KRT2: variants seen among roughly 807,000 people sequenced by gnomAD.
The protein encoded by KRT2 is keratin 2.
A neutral mutation model predicts 48.5 loss-of-function variants in KRT2; 37 were observed. That is an observed-to-expected ratio of 0.76 (90% confidence interval 0.59 to 1.00). The LOEUF is 1.00. KRT2 is among the 50% of genes least tolerant of loss of function. The pLI is 0.00. For synonymous variants in KRT2, 324 were observed against 312.2 expected (o/e 1.04, Z -0.40); for missense variants, 880 against 815.2 (o/e 1.08, Z -0.97).
chr12:52,647,656 C>T, intron 6 of KRT2, 74 bp downstream of exon 6: 8 of 1,572,776 alleles, frequency 5.1e-6, no homozygotes, highest in Non-Finnish European at 6.9e-6. Context: ...CACATGCACA[C>T]TCACACACAA....
chr12:52,651,847 C>CCGCCTCCAAAGCCGCTGT lies in KRT2; in HGVS notation c.295_296insACAGCGGCTTTGGAGGCG (p.Gly98_Gly99insAspSerGlyPheGlyGly). On this transcript the variant is annotated inframe_insertion, in exon 1 of 9. Transcript: ENST00000309680. The stretch of plus-strand genomic sequence containing the variant: ...GCCGCTGCCACCTCCAAAGCTGCTG[C>CCGCCTCCAAAGCCGCTGT]CGCCTCCAAAACCACCTCCTCTGCC... 6.2e-7 allele frequency: 1 copy of CCGCCTCCAAAGCCGCTGT among 1,603,282 alleles called. No homozygotes were observed. Among genetic ancestry groups the CCGCCTCCAAAGCCGCTGT allele is most frequent in the Non-Finnish European group, 8.5e-7 (1 of 1,173,658 alleles).
intron 6 of KRT2, among the ~76,000 whole-genome samples, chr12:52,647,446 C>T (rs1231485507): frequency 6.6e-6 from 1 of 152,364 alleles, no homozygotes; most frequent in Middle Eastern, 3.4e-3. Context: ...ATCAATCAAA[C>T]TAACGTTTGC....
intron 1 of KRT2, chr12:52,650,822 T>C (rs1941238402): frequency 1.9e-6 from 1 of 518,436 alleles, no homozygotes; most frequent in South Asian, 2.0e-5. Flanking sequence ...CTGCTCCCAA[T>C]ACTCTAGACC....
chr12:52,645,707 T>C (rs1031590852), intron 7 of KRT2, 138 bp from the exon 8 acceptor site: 27 of 808,050 alleles, frequency 3.3e-5, no homozygotes, highest in Non-Finnish European at 5.6e-5. Flanking sequence ...CACTTTCTTC[T>C]ATGCTGCCAG....
At position 52,650,542 on chromosome 12, in the gene KRT2, C is replaced by T. The variant is rs781465953; in HGVS notation, c.597G>A (p.Leu199=). ...FASFIDKVRF[L]EQQNQVLQTK... is the part of the protein sequence containing the mutation. ...TCTGTAACACCTGGTTCTGCTGCTC[C>T]AAGAACCGCACCTGCCATGACCAGA... The change falls in exon 2 of 9, where the codon TTG becomes TTA. Residue 199 remains leucine (L), a synonymous_variant. Coordinates refer to ENST00000309680, the MANE Select transcript of KRT2 (RefSeq NM_000423.3). 5.0e-6 allele frequency: 8 copies of T among 1,611,726 alleles called. No homozygotes were observed. In the African/African-American group the frequency reaches 8.0e-5, roughly 16 times the overall value.
chr12:52,645,147 A>G lies in KRT2; in HGVS notation c.1792T>C (p.Ser598Pro). ...GYGSGGGKHS[S>P]GGGSRGGSSS... ...GAGCCTCCTCTAGAGCCACCTCCAG[A>G]GCTGTGTTTTCCACCTCCAGAGCCA... The change falls in exon 9 of 9, where the codon TCT becomes CCT. Residue 598 changes from serine to proline, a missense_variant. Transcript: ENST00000309680. 6.2e-7 allele frequency: 1 copy of G among 1,613,506 alleles called. No homozygotes were observed. The highest frequency in any genetic ancestry group is 8.5e-7 in the Non-Finnish European group (1 of 1,179,904).
chr12:52,645,924 T>C (rs1210788315), intron 7 of KRT2, among the ~76,000 whole-genome samples: 1 of 152,222 alleles, frequency 6.6e-6, no homozygotes, highest in African/African-American at 2.4e-5. Context: ...ACATCAGAAA[T>C]TATACAATGA....
intron 3 of KRT2, among the ~76,000 whole-genome samples, 192 bp downstream of exon 3, chr12:52,649,722 C>T (rs1941220108): frequency 6.6e-6 from 1 of 152,204 alleles, no homozygotes; most frequent in South Asian, 2.1e-4. Flanking sequence ...TGCAGAACAG[C>T]TTTGAAAACT....
At chr12:52,650,800 G>C in intron 1 of KRT2, 1 of 549,588 alleles carries the variant, frequency 1.8e-6, no homozygotes, top group East Asian at 3.3e-5. Context: ...CTGCTCACTG[G>C]TTTGTTTGCA....
Position 52,650,560 on chromosome 12 carries a change from T to G in KRT2, c.586-7A>C. On this transcript the variant is annotated splice_polypyrimidine_tract_variant and splice_region_variant and intron_variant, in intron 1 of 8. Coordinates refer to ENST00000309680, the MANE Select transcript of KRT2 (RefSeq NM_000423.3). ...GCTGCTCCAAGAACCGCACCTGCCA[T>G]GACCAGAAGGAGAGCACATGAGTTC... The G allele has an allele frequency of 2.5e-6, 4 of 1,610,796 alleles. No homozygotes were observed. The highest frequency in any genetic ancestry group is 3.4e-6 in the Non-Finnish European group (4 of 1,178,602).
chr12:52,652,202 C>A lies in KRT2; in HGVS notation c.-60G>T. 1 of 1,286,232 alleles carries A rather than the reference C, an allele frequency of 7.8e-7. No individual in the cohort carries two copies. Among genetic ancestry groups the A allele is most frequent in the East Asian group, 2.5e-5 (1 of 39,748 alleles). The allele number at this position is 1,286,232 out of a possible 1,614,324, so 79.7% of individuals were successfully genotyped here. A position where few individuals can be genotyped will look rare whatever the true frequency, so the allele number is the denominator to read the frequency against. On this transcript the variant is annotated 5_prime_UTR_variant, in exon 1 of 9. Transcript: ENST00000309680. ...TTGAGAAGAGTCAAGGCTGGAGACT[C>A]AACTGTGCTGCTGGGAGGCTTTCAG...
chr12:52,646,898 A>G lies in KRT2; in HGVS notation c.1311T>C (p.Asp437=). The G allele has an allele frequency of 6.2e-7, 1 of 1,614,170 alleles. No homozygotes were observed. The highest frequency in any genetic ancestry group is 8.5e-7 in the Non-Finnish European group (1 of 1,180,020). The change falls in exon 7 of 9, where the codon GAT becomes GAC. Residue 437 remains aspartate, a synonymous_variant. Transcript: ENST00000309680. The stretch of plus-strand genomic sequence containing the variant: ...CCAGGTCATTCAACTTGTTCCTGGC[A>G]TCCTTGAGGGCATGCTCCCCACGCT... ...AEQRGEHALK[D]ARNKLNDLEE... is the part of the protein sequence containing the mutation.
At position 52,647,715 on chromosome 12, in the gene KRT2, A is replaced by G. The variant is rs775063663; in HGVS notation, c.1248+15T>C. The G allele has an allele frequency of 1.7e-5, 28 of 1,613,368 alleles. No homozygotes were observed. The highest frequency in any genetic ancestry group is 2.4e-5 in the Non-Finnish European group (28 of 1,179,776). On this transcript the variant is annotated intron_variant, in intron 6 of 8. Transcript: ENST00000309680. ...GACAACCTCCCGCCCCTCGCTGGACAGGGCTGGGCCTCACCTGCTTCTTCA... is the reference window on the plus strand; with the variant it reads ...GACAACCTCCCGCCCCTCGCTGGACGGGGCTGGGCCTCACCTGCTTCTTCA...
rs768975594 is a variant in KRT2 at position 52,651,777 on chromosome 12, G to A, written c.366C>T (p.Arg122=). The change falls in exon 1 of 9, where the codon CGC becomes CGT. Residue 122 remains arginine (R), a synonymous_variant. Coordinates refer to ENST00000309680, the MANE Select transcript of KRT2 (RefSeq NM_000423.3). ...CACCAGGGCCCCCAAAACCTCCAAA[G>A]CGGCCTCCACCAAAGCCGCCTCCAC... The part of the protein sequence containing the change: ...GFGGGGFGGG[R]FGGFGGPGGV... 1.2e-6 allele frequency: 2 copies of A among 1,612,444 alleles called. No individual in the cohort carries two copies. Among genetic ancestry groups the A allele is most frequent in the East Asian group, 2.2e-5 (1 of 44,810 alleles).
chr12:52,648,403 G>T, intron 4 of KRT2, 66 bp from the exon 5 acceptor site: 1 of 1,369,900 alleles, frequency 7.3e-7, no homozygotes, highest in Non-Finnish European at 1.0e-6. Flanking sequence ...GGAGGCCTCT[G>T]TCTCCCAGCA....
chr12:52,645,435 C>T lies in KRT2; in HGVS notation c.1505-1G>A. ...GATGAAATGGTGCTGCTTGTCACAGCTGCAGAGAGAGGTGGTGTTACCACA... is the reference window on the plus strand; with the variant it reads ...GATGAAATGGTGCTGCTTGTCACAGTTGCAGAGAGAGGTGGTGTTACCACA... On this transcript the variant is annotated splice_acceptor_variant, in intron 8 of 8. Coordinates refer to ENST00000309680, the MANE Select transcript of KRT2 (RefSeq NM_000423.3). LOFTEE classifies it high-confidence loss of function. 1 of 1,614,240 alleles carries T rather than the reference C, an allele frequency of 6.2e-7. No individual in the cohort carries two copies. The highest frequency in any genetic ancestry group is 1.1e-5 in the South Asian group (1 of 91,080).
chr12:52,647,840 C>G lies in KRT2; in HGVS notation c.1138G>C (p.Val380Leu). The change falls in exon 6 of 9, where the codon GTG becomes CTG. Residue 380 changes from valine (V) to leucine (L), a missense_variant. Coordinates refer to ENST00000309680, the MANE Select transcript of KRT2 (RefSeq NM_000423.3). ...CTGTCTCCATGTCTCCCGACAGTCA[C>G]CTGGAGCTCCTCATACTGATATGGG... Reference protein sequence around the residue: ...LYHSKYEELQVTVGRHGDSLK... With the variant: ...LYHSKYEELQLTVGRHGDSLK... The G allele has an allele frequency of 1.2e-6, 2 of 1,614,162 alleles. No homozygotes were observed. Among genetic ancestry groups the G allele is most frequent in the Non-Finnish European group, 1.7e-6 (2 of 1,180,038 alleles).
chr12:52,651,888 G>A lies in KRT2; in HGVS notation c.255C>T (p.Ala85=), dbSNP rs370171097. 60 of 1,609,352 alleles carry A rather than the reference G, an allele frequency of 3.7e-5. No individual in the cohort carries two copies. Among genetic ancestry groups the A allele is most frequent in the Non-Finnish European group, 4.7e-5 (55 of 1,177,428 alleles). Residue 85 remains alanine, a synonymous_variant, in exon 1 of 9, where the codon GCC becomes GCT. Transcript: ENST00000309680. ...CTCCTCTGCCACCAAATCCACCAGC[G>A]GCGCCAAAGCCACCACCTCCTCCAG... The part of the protein sequence containing the change: ...SVAGGGGGFG[A]AGGFGGRGGG...
chr12:52,649,137 C>A, intron 3 of KRT2, 35 bp from the exon 4 acceptor site: 1 of 1,296,722 alleles, frequency 7.7e-7, no homozygotes, highest in South Asian at 1.2e-5. Flanking sequence ...GTGTATGGTT[C>A]CCTGTACAGG....
Sources: allele counts gnomAD v4.1 joint callset (sites outside exome capture counted in the v4.1 genomes callset), GRCh38; gene constraint gnomAD v4.1.1; transcripts MANE v1.5; gene names NCBI Gene and HGNC (gene_info 2026-07-23, HGNC 2026-07-21).